CCDC30: variants seen among roughly 807,000 people sequenced by gnomAD.
CCDC30 encodes coiled-coil domain-containing protein 30.
CCDC30 carries 70 observed loss-of-function variants against 100.2 expected under a neutral mutation model. That is an observed-to-expected ratio of 0.70 (90% CI 0.58 to 0.85). The LOEUF is 0.85. Among genes scored for constraint, CCDC30 ranks in the 40% least tolerant of loss-of-function variants. The pLI is 0.00. For missense variants in CCDC30, 652 were observed against 771.2 expected, an observed-to-expected ratio of 0.85 and a Z score of 1.83; for synonymous variants, 233 against 269.5, an observed-to-expected ratio of 0.86 and a Z score of 1.33.
chr1:42,552,772 G>A (rs1645280244), intron 6 of CCDC30, among the ~76,000 whole-genome samples: 1 of 152,086 alleles, frequency 6.6e-6, no homozygotes, highest in Non-Finnish European at 1.5e-5. Flanking sequence ...ATACCACAAG[G>A]CAGGTGGGTG....
chr1:42,628,289 T>C (rs1646969733), intron 11 of CCDC30, among the ~76,000 whole-genome samples: 1 of 152,152 alleles, frequency 6.6e-6, no homozygotes, highest in Non-Finnish European at 1.5e-5. Flanking sequence ...TGTACCCCCA[T>C]TGTATCTAGA....
chr1:42,551,817 C>CACT (rs1645258560), intron 6 of CCDC30, among the ~76,000 whole-genome samples: 1 of 150,668 alleles, frequency 6.6e-6, no homozygotes. Context: ...TGCAGTGGTG[C>CACT]CATCACAGCT....
chr1:42,507,630 A>G (rs1644415477), intron 6 of CCDC30, among the ~76,000 whole-genome samples: 2 of 152,248 alleles, frequency 1.3e-5, no homozygotes, highest in African/African-American at 4.8e-5. Flanking sequence ...AGTCAAAATT[A>G]CATATTATGA....
chr1:42,637,143 C>G (rs1647176410), intron 11 of CCDC30, 94 bp from the exon 16 acceptor site: 2 of 980,224 alleles, frequency 2.0e-6, no homozygotes, highest in South Asian at 3.1e-5. Flanking sequence ...CTGACTTAAG[C>G]AAGAAGAGGA....
chr1:42,510,112 G>A, intron 6 of CCDC30: 1 of 985,306 alleles, frequency 1.0e-6, no homozygotes, highest in Non-Finnish European at 1.2e-6. Flanking sequence ...GAAGAACCAG[G>A]GCATCTGGAA....
At chr1:42,505,625 G>A (rs899590704) in intron 6 of CCDC30, among the ~76,000 whole-genome samples, 1 of 152,154 alleles carries the variant, frequency 6.6e-6, no homozygotes, top group Non-Finnish European at 1.5e-5. Context: ...TAGGCCTTTT[G>A]GATTGGATTT....
chr1:42,457,270 G>C, the CCDC30 span: 1 of 1,614,050 alleles, frequency 6.2e-7, no homozygotes, highest in African/African-American at 1.3e-5. Flanking sequence ...GTTTTACCTG[G>C]CTGCGGCTGT....
At chr1:42,633,481 ACAC>A (rs1211234328) in intron 11 of CCDC30, among the ~76,000 whole-genome samples, 9 of 152,182 alleles carry the variant, frequency 5.9e-5, no homozygotes, top group Non-Finnish European at 2.9e-5. Context: ...GGGCCTCCAG[ACAC>A]CAGTCATTTC....
At chr1:42,615,598 C>T (rs904160220) in intron 11 of CCDC30, among the ~76,000 whole-genome samples, 4 of 151,962 alleles carry the variant, frequency 2.6e-5, no homozygotes, top group African/African-American at 7.3e-5. Flanking sequence ...CCACCGCGCC[C>T]GGCCAAGCAA....
intron 6 of CCDC30, among the ~76,000 whole-genome samples, chr1:42,538,846 A>T (rs941672419): frequency 6.6e-6 from 1 of 152,214 alleles, no homozygotes. Context: ...AGATAATATA[A>T]CTATTGATAG....
At chr1:42,459,469 T>A (rs1203225605), upstream of CCDC30, 1 of 821,896 alleles carries the variant, frequency 1.2e-6, no homozygotes, top group African/African-American at 1.7e-5. Context: ...TAAGACTTTT[T>A]AAACTAAACA....
intron 15 of CCDC30, among the ~76,000 whole-genome samples, chr1:42,650,285 C>A (rs1648221487): frequency 6.6e-6 from 1 of 151,856 alleles, no homozygotes; most frequent in Non-Finnish European, 1.5e-5. Context: ...GAGTTTGAGA[C>A]CAGCTTGTAC....
intron 6 of CCDC30, among the ~76,000 whole-genome samples, chr1:42,564,265 G>A (rs1645559494): frequency 6.6e-6 from 1 of 152,172 alleles, no homozygotes; most frequent in Non-Finnish European, 1.5e-5. Flanking sequence ...AAGCCTGATA[G>A]GAAAGTGTAT....
chr1:42,559,497 G>A (rs748509667), intron 6 of CCDC30, among the ~76,000 whole-genome samples: 9 of 152,136 alleles, frequency 5.9e-5, no homozygotes, highest in Non-Finnish European at 7.4e-5. Context: ...TGCAATCCTA[G>A]TCTCTGACAA....
intron 10 of CCDC30, among the ~76,000 whole-genome samples, chr1:42,599,259 T>TA (rs1397548096): frequency 6.6e-6 from 1 of 152,180 alleles, no homozygotes; most frequent in East Asian, 1.9e-4. Context: ...ACAGCAATGA[T>TA]ATAAGGGACA....
At chr1:42,539,302 G>T in intron 6 of CCDC30, 1 of 1,591,654 alleles carries the variant, frequency 6.3e-7, no homozygotes. Flanking sequence ...TTCTGAATTA[G>T]AAACAAAGGT....
At chr1:42,525,202 A>G (rs1222917838) in intron 6 of CCDC30, among the ~76,000 whole-genome samples, 2 of 152,154 alleles carry the variant, frequency 1.3e-5, no homozygotes, top group African/African-American at 2.4e-5. Flanking sequence ...TCAAATATGG[A>G]AAAAGTTTAG....
At chr1:42,495,990 C>G (rs1644226087) in intron 4 of CCDC30, among the ~76,000 whole-genome samples, 1 of 152,120 alleles carries the variant, frequency 6.6e-6, no homozygotes, top group Non-Finnish European at 1.5e-5. Flanking sequence ...GCATACTTTG[C>G]AGCTGTTAAA....
chr1:42,603,367 C>CTATA (rs1344562955), intron 10 of CCDC30, among the ~76,000 whole-genome samples: 1 of 152,194 alleles, frequency 6.6e-6, no homozygotes, highest in Non-Finnish European at 1.5e-5. Flanking sequence ...CTCCCAAAGG[C>CTATA]TATACCTCTT....
Sources: gnomAD v4.1 joint callset for allele counts (sites outside exome capture counted in the v4.1 genomes callset) on GRCh38, gnomAD v4.1.1 for gene constraint, MANE v1.5 for transcripts, NCBI Gene and HGNC (gene_info 2026-07-23, HGNC 2026-07-21) for gene names.